CFAP61: variants seen among roughly 807,000 people sequenced by gnomAD.
CFAP61 encodes the protein cilia- and flagella-associated protein 61.
A neutral mutation model predicts 135.6 loss-of-function variants in CFAP61; 107 were observed. The observed-to-expected ratio is 0.79, with a 90% CI of 0.67 to 0.93. CFAP61 has a LOEUF of 0.93. Among genes scored for constraint, CFAP61 ranks in the 40% least tolerant of loss-of-function variants. CFAP61 has a pLI of 0.00. For synonymous variants in CFAP61, 575 were observed against 578.5 expected, an observed-to-expected ratio of 0.99 and a Z score of 0.09; for missense variants, 1,507 against 1,556.2, an observed-to-expected ratio of 0.97 and a Z score of 0.53.
At chr20:20,353,799 C>T (rs998052741) in intron 26 of CFAP61, among the ~76,000 whole-genome samples, 2 of 152,164 alleles carry the variant, frequency 1.3e-5, no homozygotes, top group African/African-American at 2.4e-5. Context: ...CCACCTCACC[C>T]TTGTTAGTAT....
At chr20:20,100,307 G>T (rs1457274297) in intron 8 of CFAP61, among the ~76,000 whole-genome samples, 2 of 151,894 alleles carry the variant, frequency 1.3e-5, no homozygotes, top group African/African-American at 4.8e-5. Flanking sequence ...GGAGTAGCTG[G>T]GATTACAGGT....
At chr20:20,072,328 G>C (rs1165630487) in intron 3 of CFAP61, among the ~76,000 whole-genome samples, 2 of 151,710 alleles carry the variant, frequency 1.3e-5, no homozygotes, top group Non-Finnish European at 2.9e-5. Flanking sequence ...TGTTAGCCAG[G>C]ATGGTCTCGA....
intron 18 of CFAP61, among the ~76,000 whole-genome samples, chr20:20,245,547 C>T (rs976699878): frequency 6.6e-6 from 1 of 152,196 alleles, no homozygotes; most frequent in Non-Finnish European, 1.5e-5. Flanking sequence ...CCTCCCACAA[C>T]ACGTGGGAAT....
chr20:20,148,393 G>GT (rs55657814), intron 9 of CFAP61, among the ~76,000 whole-genome samples: 137,241 of 152,206 alleles, frequency 0.9, 62,694 homozygotes, highest in Middle Eastern at 0.99. Context: ...AGCATGGGAT[G>GT]TATTTCCATT....
At chr20:20,162,990 T>C (rs975112) in intron 10 of CFAP61, among the ~76,000 whole-genome samples, 137,188 of 151,938 alleles carry the variant, frequency 0.9, 62,749 homozygotes, top group Middle Eastern at 0.99. Flanking sequence ...GCATCAATAT[T>C]GAATAGGAAA....
intron 25 of CFAP61, among the ~76,000 whole-genome samples, chr20:20,303,966 T>G (rs2056270045): frequency 6.6e-6 from 1 of 152,182 alleles, no homozygotes; most frequent in Non-Finnish European, 1.5e-5. Context: ...AGGCACTAGC[T>G]GTGCCAATGG....
chr20:20,195,495 T>TA (rs2056220715), intron 15 of CFAP61, among the ~76,000 whole-genome samples: 1 of 152,132 alleles, frequency 6.6e-6, no homozygotes, highest in Non-Finnish European at 1.5e-5. Context: ...CCTGACAGCA[T>TA]ACACTGCTGG....
chr20:20,286,727 C>A (rs1389008691), intron 22 of CFAP61, among the ~76,000 whole-genome samples: 1 of 152,172 alleles, frequency 6.6e-6, no homozygotes, highest in Admixed American at 6.5e-5. Context: ...TTTGCTTATT[C>A]AGTTTTCACT....
chr20:20,321,474 A>C (rs1442115560), intron 25 of CFAP61, among the ~76,000 whole-genome samples: 1 of 152,262 alleles, frequency 6.6e-6, no homozygotes, highest in Non-Finnish European at 1.5e-5. Flanking sequence ...GAAATCAACC[A>C]AAGCTATAGA....
At chr20:20,288,557 A>T in intron 22 of CFAP61, 52 bp from the exon 23 acceptor site, 1 of 1,404,990 alleles carries the variant, frequency 7.1e-7, no homozygotes. Context: ...ACTTTTGGGA[A>T]GGTAAAATGA....
intron 20 of CFAP61, 63 bp downstream of exon 20, chr20:20,251,826 T>G (rs971371468): frequency 2.0e-6 from 3 of 1,518,924 alleles, no homozygotes; most frequent in Non-Finnish European, 2.7e-6. Context: ...GCCATTCATA[T>G]GTTTACTGGG....
Position 20,360,503 on chromosome 20 carries a change from G to C in CFAP61, c.*93G>C. 8.5e-7 allele frequency: 1 copy of C among 1,179,668 alleles called. No individual in the cohort carries two copies. Among genetic ancestry groups the C allele is most frequent in the Non-Finnish European group, 1.2e-6 (1 of 817,274 alleles). The allele number at this position is 1,179,668 out of a possible 1,614,324, so 73.1% of individuals were successfully genotyped here. A position where few individuals can be genotyped will look rare whatever the true frequency, so the allele number is the denominator to read the frequency against. ...AGAAAAGTTCTCTGCAGCCTGGTTT[G>C]ACAGCGAAGCCAGCCCCTGGTGGTT... On this transcript the variant is annotated 3_prime_UTR_variant, in exon 27 of 27. Coordinates refer to ENST00000245957, the MANE Select transcript of CFAP61 (RefSeq NM_015585.4).
rs763835177 is a variant in CFAP61 at position 20,090,837 on chromosome 20, T to C, written c.567-7T>C. On this transcript the variant is annotated splice_polypyrimidine_tract_variant and splice_region_variant and intron_variant, in intron 6 of 26. Transcript: ENST00000245957. ...GAACACTGAACTTCAGCCTTTCTAT[T>C]AAACAGGGTGGAAGACCATGACGAT... The C allele has an allele frequency of 1.9e-6, 3 of 1,613,874 alleles. No individual in the cohort carries two copies. The Admixed American group carries it at 5.0e-5, about 27-fold the overall frequency.
At chr20:20,292,798 G>A (rs2055085123) in intron 24 of CFAP61, among the ~76,000 whole-genome samples, 2 of 152,082 alleles carry the variant, frequency 1.3e-5, no homozygotes, top group African/African-American at 4.8e-5. Flanking sequence ...TGCAAGTGTT[G>A]TTACTAGCAA....
At chr20:20,103,057 G>A (rs1433182646) in intron 8 of CFAP61, among the ~76,000 whole-genome samples, 1 of 152,148 alleles carries the variant, frequency 6.6e-6, no homozygotes, top group Non-Finnish European at 1.5e-5. Flanking sequence ...GGAGAAAGCT[G>A]ACTTGGCTGG....
chr20:20,262,842 T>A, intron 20 of CFAP61, 114 bp from the exon 21 acceptor site: 1 of 466,988 alleles, frequency 2.1e-6, no homozygotes, highest in Non-Finnish European at 3.6e-6. Flanking sequence ...ATTGATTGTA[T>A]CTCGGGACAG....
At chr20:20,169,890 T>G (rs2146823367) in intron 13 of CFAP61, among the ~76,000 whole-genome samples, 1 of 152,362 alleles carries the variant, frequency 6.6e-6, no homozygotes, top group Non-Finnish European at 1.5e-5. Context: ...GAAACTTTTT[T>G]TATACTCTAT....
intron 8 of CFAP61, among the ~76,000 whole-genome samples, chr20:20,140,283 G>A (rs1460970963): frequency 6.6e-6 from 1 of 151,164 alleles, no homozygotes; most frequent in East Asian, 1.9e-4. Flanking sequence ...ATGCTGGTGT[G>A]CTGCACCCAT....
At chr20:20,304,303 T>TGAGAGA (rs112391087) in intron 25 of CFAP61, among the ~76,000 whole-genome samples, 4 of 147,488 alleles carry the variant, frequency 2.7e-5, no homozygotes, top group African/African-American at 1.0e-4. Flanking sequence ...TGTGTGTGTG[T>TGAGAGA]GAGAGAGAGA....
Sources: allele counts gnomAD v4.1 joint callset (sites outside exome capture counted in the v4.1 genomes callset), GRCh38; gene constraint gnomAD v4.1.1; transcripts MANE v1.5; gene names NCBI Gene and HGNC (gene_info 2026-07-23, HGNC 2026-07-21).